The following BAP1 variants were observed in gnomAD, a reference collection of about 807,000 sequenced individuals.
The protein encoded by BAP1 is BRCA1 associated deubiquitinase 1.
BAP1 carries 16 observed loss-of-function variants against 77.2 expected under a neutral mutation model. The ratio of observed to expected loss-of-function variants is 0.21; its 90% CI spans 0.14 to 0.31. BAP1 has a LOEUF of 0.31. Among genes scored for constraint, BAP1 ranks in the 10% least tolerant of loss-of-function variants. BAP1 has a pLI of 1.00. For synonymous variants in BAP1, 362 were observed against 385.2 expected, an observed-to-expected ratio of 0.94 and a Z score of 0.71; for missense variants, 699 against 967.3, an observed-to-expected ratio of 0.72 and a Z score of 3.68.
chr3:52,406,027 CAG>C lies in BAP1; in HGVS notation c.784-117_784-116del. 6.5e-7 allele frequency: 1 copy of C among 1,539,686 alleles called. No individual in the cohort carries two copies. The highest frequency in any genetic ancestry group is 8.8e-7 in the Non-Finnish European group (1 of 1,132,996). Reference sequence around the variant, plus strand: ...GGCCTTGGCTCTACCCATTCACTCACAGGGAAATAAAACACCCAAACCCAAAC... The same window carrying C: ...GGCCTTGGCTCTACCCATTCACTCACGGAAATAAAACACCCAAACCCAAAC... On this transcript the variant is annotated intron_variant, in intron 9 of 16. Coordinates refer to ENST00000460680, the MANE Select transcript of BAP1 (RefSeq NM_004656.4). The surrounding 1 kb of genome is among the most constrained non-coding windows in gnomAD (Gnocchi z 4.6).
chr3:52,402,441 CT>C lies in BAP1; in HGVS notation c.2057-21del, dbSNP rs1230490139. 1 of 1,571,038 alleles carries C rather than the reference CT, an allele frequency of 6.4e-7. No individual in the cohort carries two copies. Among genetic ancestry groups the C allele is most frequent in the Non-Finnish European group, 8.6e-7 (1 of 1,158,998 alleles). On this transcript the variant is annotated intron_variant, in intron 16 of 16. Transcript: ENST00000460680. This position sits in a 1 kb window ranked among gnomAD's most constrained non-coding sequence, Gnocchi z 5.3. ...GCATGCCTGCGAAGAGGTAGAGACCCTTGAGCAGGTGCTGGCTGCCTCAGGC... is the reference window on the plus strand; with the variant it reads ...GCATGCCTGCGAAGAGGTAGAGACCCTGAGCAGGTGCTGGCTGCCTCAGGC...
intron 3 of BAP1, among the ~76,000 whole-genome samples, chr3:52,409,236 A>G (rs1161501638): frequency 2.6e-5 from 4 of 152,254 alleles, no homozygotes; most frequent in African/African-American, 9.6e-5. Context: ...GCACACTAAA[A>G]TTAATACATT....
chr3:52,404,555 C>T lies in BAP1; in HGVS notation c.1148G>A (p.Arg383His), dbSNP rs374620220. The change falls in exon 12 of 17, where the codon CGC becomes CAC. Residue 383 changes from arginine (R) to histidine (H), a missense_variant. Coordinates refer to ENST00000460680, the MANE Select transcript of BAP1 (RefSeq NM_004656.4). Reference protein sequence around the residue: ...EEEDLAAGVGRSRVPVRPPQQ... With the variant: ...EEEDLAAGVGHSRVPVRPPQQ... ...GGGTGGGCGGACTGGAACTCGGCTGCGGCCCACACCTGCCGCCAGGTCTTC... is the reference window on the plus strand; with the variant it reads ...GGGTGGGCGGACTGGAACTCGGCTGTGGCCCACACCTGCCGCCAGGTCTTC... 8.1e-6 allele frequency: 13 copies of T among 1,613,518 alleles called. No individual in the cohort carries two copies. Among genetic ancestry groups the T allele is most frequent in the African/African-American group, 5.3e-5 (4 of 75,034 alleles).
intron 4 of BAP1, 136 bp downstream of exon 4, chr3:52,408,338 G>A (rs123602): frequency 1.1e-5 from 15 of 1,412,136 alleles, no homozygotes; most frequent in Admixed American, 2.0e-5. Context: ...AGTTCAGTTC[G>A]TTCTGCCAGA....
At position 52,402,554 on chromosome 3, in the gene BAP1, C is replaced by T. The variant is rs376171400; in HGVS notation, c.2056+48G>A. ...GCCAGGGGAGGGGAGCTGAAGGACA[C>T]GGCCCTCAGCAGGGCATTCCAGTTA... is the stretch of plus-strand genomic sequence containing the variant. On this transcript the variant is annotated intron_variant, in intron 16 of 16. Coordinates refer to ENST00000460680, the MANE Select transcript of BAP1 (RefSeq NM_004656.4). The surrounding 1 kb of genome is among the most constrained non-coding windows in gnomAD (Gnocchi z 5.3). 196 of 1,610,566 alleles carry T rather than the reference C, an allele frequency of 1.2e-4. No homozygotes were observed. The highest frequency in any genetic ancestry group is 3.3e-4 in the Middle Eastern group (2 of 6,078).
Position 52,404,596 on chromosome 3 carries a change from A to T in BAP1, c.1117-10T>A, listed in dbSNP as rs1298749603. On this transcript the variant is annotated splice_polypyrimidine_tract_variant and intron_variant, in intron 11 of 16. Transcript: ENST00000460680. ...CCAGGTCTTCTTCCTCCTGGGACAA[A>T]GACCAGGGCAGTTACAAACAAGTGC... The T allele has an allele frequency of 1.2e-6, 2 of 1,611,652 alleles. No individual in the cohort carries two copies. The highest frequency in any genetic ancestry group is 2.7e-5 in the African/African-American group (2 of 74,908).
Position 52,409,941 on chromosome 3 carries a change from C to A in BAP1, c.-63G>T. 1 of 1,576,602 alleles carries A rather than the reference C, an allele frequency of 6.3e-7. No homozygotes were observed. Among genetic ancestry groups the A allele is most frequent in the South Asian group, 1.1e-5 (1 of 87,928 alleles). ...CCTCCCTCCCCACCGCTGCCCCCAC[C>A]GGGAGCCCCCACCGCCCCCGGGGCC... On this transcript the variant is annotated 5_prime_UTR_variant, in exon 1 of 17. Transcript: ENST00000460680.
At position 52,408,538 on chromosome 3, in the gene BAP1, G is replaced by C. The variant is rs2153228318; in HGVS notation, c.191C>G (p.Thr64Ser). 6.2e-7 allele frequency: 1 copy of C among 1,612,262 alleles called. No individual in the cohort carries two copies. The highest frequency in any genetic ancestry group is 8.5e-7 in the Non-Finnish European group (1 of 1,179,244). Residue 64 changes from threonine to serine, a missense_variant, in exon 4 of 17, where the codon ACC becomes AGC. This residue lies in a region of BAP1 where 160 missense variants were observed against 322.8 expected (regional missense o/e 0.50). Coordinates refer to ENST00000460680, the MANE Select transcript of BAP1 (RefSeq NM_004656.4). Reference sequence around the variant, plus strand: ...AATCACGGACGTATCATCCACCAAGGTAGAGACCTTTCGCCGGGACCGGCG... The same window carrying C: ...AATCACGGACGTATCATCCACCAAGCTAGAGACCTTTCGCCGGGACCGGCG... Reference protein sequence around the residue: ...EERRSRRKVSTLVDDTSVIDD... With the variant: ...EERRSRRKVSSLVDDTSVIDD...
chr3:52,409,580 G>A lies in BAP1; in HGVS notation c.96C>T (p.Ile32=), dbSNP rs1223222289. The change falls in exon 3 of 17, where the codon ATC becomes ATT. Residue 32 remains isoleucine, a synonymous_variant. Coordinates refer to ENST00000460680, the MANE Select transcript of BAP1 (RefSeq NM_004656.4). The part of the protein sequence containing the change: ...FGVKGVQVEE[I]YDLQSKCQGP... ...CCTGACATTTGCTCTGAAGGTCGTA[G>A]ATCTCCTCCACTTGCACCCCCTTGA... 2 of 1,614,022 alleles carry A rather than the reference G, an allele frequency of 1.2e-6. No homozygotes were observed. The highest frequency in any genetic ancestry group is 2.7e-5 in the African/African-American group (2 of 74,910).
rs1057522124 is a variant in BAP1 at position 52,402,333 on chromosome 3, A to G, written c.2145T>C (p.Pro715=). 37 of 1,592,156 alleles carry G rather than the reference A, an allele frequency of 2.3e-5. No homozygotes were observed. The highest frequency in any genetic ancestry group is 3.0e-5 in the Non-Finnish European group (35 of 1,170,748). ...AGGGGCGAGAGCGTTTCCGCCGGTC[A>G]GGCTTCCGCTGCTTGTGGAGCCGGC... ...SIGRLHKQRK[P]DRRKRSRPYK... The change falls in exon 17 of 17, where the codon CCT becomes CCC. Residue 715 remains proline (P), a synonymous_variant. Coordinates refer to ENST00000460680, the MANE Select transcript of BAP1 (RefSeq NM_004656.4). The surrounding 1 kb of genome is among the most constrained non-coding windows in gnomAD (Gnocchi z 5.3).
In BAP1 at chr3:52,404,646, C is replaced by T. The variant is rs907070319; in HGVS notation, c.1117-60G>A. On this transcript the variant is annotated intron_variant, in intron 11 of 16. Transcript: ENST00000460680. ...CTGCTCGGCCCAGGCTGAGCCTAGACACTCACAGCCAGAGAGAAAGCCAAC... is the reference window on the plus strand; with the variant it reads ...CTGCTCGGCCCAGGCTGAGCCTAGATACTCACAGCCAGAGAGAAAGCCAAC... 30 of 1,572,120 alleles carry T rather than the reference C, an allele frequency of 1.9e-5. No homozygotes were observed. In the African/African-American group the frequency reaches 3.2e-4, roughly 17 times the overall value.
At chr3:52,407,593 A>G in intron 5 of BAP1, 133 bp from the exon 6 acceptor site, 1 of 1,281,846 alleles carries the variant, frequency 7.8e-7, no homozygotes, top group Non-Finnish European at 1.1e-6. Context: ...CTTTCTTAAA[A>G]GGCTGGTGGG....
intron 12 of BAP1, among the ~76,000 whole-genome samples, chr3:52,404,198 A>G (rs547146026): frequency 2.0e-5 from 3 of 152,166 alleles, no homozygotes; most frequent in Admixed American, 2.0e-4. Flanking sequence ...GCCCCAACCA[A>G]TCCTTCAAGG....
At position 52,405,303 on chromosome 3, in the gene BAP1, G is replaced by C. The variant is rs2153227092; in HGVS notation, c.932-9C>G. ...CGCCTCCTCTGCACCATCTGAGACAGGGCAAGAACACAGGCAGGACCTCCA... is the reference window on the plus strand; with the variant it reads ...CGCCTCCTCTGCACCATCTGAGACACGGCAAGAACACAGGCAGGACCTCCA... On this transcript the variant is annotated splice_polypyrimidine_tract_variant and intron_variant, in intron 10 of 16. Coordinates refer to ENST00000460680, the MANE Select transcript of BAP1 (RefSeq NM_004656.4). The C allele has an allele frequency of 6.2e-7, 1 of 1,613,350 alleles. No homozygotes were observed. The highest frequency in any genetic ancestry group is 8.5e-7 in the Non-Finnish European group (1 of 1,179,964).
chr3:52,403,911 G>C lies in BAP1; in HGVS notation c.1251-17C>G. The C allele has an allele frequency of 6.2e-7, 1 of 1,613,276 alleles. No homozygotes were observed. The highest frequency in any genetic ancestry group is 2.2e-5 in the East Asian group (1 of 44,876). On this transcript the variant is annotated splice_polypyrimidine_tract_variant and intron_variant, in intron 12 of 16. Coordinates refer to ENST00000460680, the MANE Select transcript of BAP1 (RefSeq NM_004656.4). The surrounding 1 kb of genome is among the most constrained non-coding windows in gnomAD (Gnocchi z 4.0). ...CCCTTATACCTGTGGGGCCCGAGAA[G>C]ATGTGAAGCAAGGGAACGGGCCAGG...
rs767198116 is a variant in BAP1 at position 52,402,927 on chromosome 3, C to T, written c.1891-56G>A. On this transcript the variant is annotated intron_variant, in intron 14 of 16. Transcript: ENST00000460680. The surrounding 1 kb of genome is among the most constrained non-coding windows in gnomAD (Gnocchi z 5.3). ...GGGGCGGGCCAGCAACAAAGCCCCA[C>T]GAGCAATAGGCAGCTAGAGGCAAGG... 59 of 1,612,634 alleles carry T rather than the reference C, an allele frequency of 3.7e-5. No individual in the cohort carries two copies. The highest frequency in any genetic ancestry group is 2.0e-4 in the Admixed American group (12 of 60,002).
chr3:52,407,086 T>C, intron 7 of BAP1, 88 bp downstream of exon 7: 1 of 1,601,600 alleles, frequency 6.2e-7, no homozygotes, highest in Admixed American at 1.7e-5. Context: ...CCCCTGCCAC[T>C]GGGTACCACA....
Position 52,406,939 on chromosome 3 carries a change from A to G in BAP1, c.581-32T>C. The G allele has an allele frequency of 6.4e-7, 1 of 1,558,222 alleles. No individual in the cohort carries two copies. The highest frequency in any genetic ancestry group is 2.4e-5 in the East Asian group (1 of 41,680). ...GAGACCAAGACAAGGAATCAGCGAGAAGGAAACCCTGAGTTTGGGCAGGCC... is the reference window on the plus strand; with the variant it reads ...GAGACCAAGACAAGGAATCAGCGAGGAGGAAACCCTGAGTTTGGGCAGGCC... On this transcript the variant is annotated intron_variant, in intron 7 of 16. Coordinates refer to ENST00000460680, the MANE Select transcript of BAP1 (RefSeq NM_004656.4). This position sits in a 1 kb window ranked among gnomAD's most constrained non-coding sequence, Gnocchi z 4.6.
At chr3:52,407,530 G>T (rs1705207017) in intron 5 of BAP1, 70 bp from the exon 6 acceptor site, 3 of 1,596,164 alleles carry the variant, frequency 1.9e-6, no homozygotes, top group Non-Finnish European at 2.6e-6. Flanking sequence ...GGAAGGCAAA[G>T]CTTCAGAGAG....
Sources: allele counts gnomAD v4.1 joint callset (sites outside exome capture counted in the v4.1 genomes callset), GRCh38; gene constraint gnomAD v4.1.1; regional missense constraint gnomAD v4.1.1; non-coding constraint Gnocchi (gnomAD v3.1); transcripts MANE v1.5; gene names NCBI Gene and HGNC (gene_info 2026-07-23, HGNC 2026-07-21).